The following MAPK8IP3 variants were observed in gnomAD, a reference collection of about 807,000 sequenced individuals.
The protein encoded by MAPK8IP3 is C-Jun-amino-terminal kinase-interacting protein 3.
MAPK8IP3 carries 49 observed loss-of-function variants against 157.8 expected under a neutral mutation model. The observed-to-expected ratio is 0.31, with a 90% confidence interval of 0.25 to 0.39. The LOEUF (loss-of-function observed/expected upper bound fraction) is 0.39. Ranked by LOEUF, MAPK8IP3 falls within the 10% of genes least tolerant of loss-of-function variation. MAPK8IP3 has a pLI of 1.00. For synonymous variants in MAPK8IP3, 897 were observed against 777.7 expected (o/e 1.15, Z -2.55); for missense variants, 1,478 against 1,889.4 (o/e 0.78, Z 4.04).
intron 1 of MAPK8IP3, among the ~76,000 whole-genome samples, chr16:1,721,599 A>G (rs35979144): frequency 0.019 from 2,842 of 152,304 alleles, 35 homozygotes; most frequent in Non-Finnish European, 0.028. Flanking sequence ...CTGGAACTAC[A>G]GGCACATGCC....
intron 25 of MAPK8IP3, 80 bp from the exon 26 acceptor site, chr16:1,767,069 G>A: frequency 6.3e-7 from 1 of 1,586,604 alleles, no homozygotes. Context: ...CCTTAGTCTG[G>A]CAGTGGGTGT....
chr16:1,764,894 G>A (rs1215416888), intron 19 of MAPK8IP3, 119 bp from the exon 20 acceptor site: 5 of 965,334 alleles, frequency 5.2e-6, no homozygotes, highest in African/African-American at 1.6e-5. Context: ...GGACAGCCAT[G>A]TCCCCTCAAG....
rs897034890 is a variant in MAPK8IP3 at position 1,729,187 on chromosome 16, C to G, written c.489C>G (p.Ala163=). The part of the protein sequence containing the change: ...RESEMKKEYN[A]LHQRHTEMIQ... ...CGGAGATGAAGAAGGAGTACAATGC[C>G]CTGCACCAGCGGCACACAGAGGTGG... Residue 163 remains alanine (A), a synonymous_variant, in exon 3 of 32, where the codon GCC becomes GCG. Coordinates refer to ENST00000610761, the MANE Select transcript of MAPK8IP3 (RefSeq NM_001318852.2). 1.2e-6 allele frequency: 2 copies of G among 1,613,864 alleles called. No homozygotes were observed.
At chr16:1,760,165 G>C in intron 11 of MAPK8IP3, 150 bp downstream of exon 11, 1 of 998,138 alleles carries the variant, frequency 1.0e-6, no homozygotes, top group Non-Finnish European at 1.5e-6. Flanking sequence ...CTTGGAGCAG[G>C]ACTCTGCCTG....
chr16:1,766,170 C>A (rs757087368), intron 21 of MAPK8IP3, 28 bp downstream of exon 21: 1 of 1,601,806 alleles, frequency 6.2e-7, no homozygotes, highest in Non-Finnish European at 8.5e-7. Flanking sequence ...TTCCCCCATC[C>A]CCTCATTCCC....
At chr16:1,735,962 G>T (rs2039725735) in intron 4 of MAPK8IP3, among the ~76,000 whole-genome samples, 1 of 144,048 alleles carries the variant, frequency 6.9e-6, no homozygotes, top group South Asian at 2.4e-4. Flanking sequence ...GACCGCCCAT[G>T]TGAGCATCCG....
rs1213173218 is a variant in MAPK8IP3 at position 1,760,013 on chromosome 16, C to A, written c.1302C>A (p.Thr434=). ...TGGAAAACTCACAGCTTCTGGAAAC[C>A]AAGTAAGAGTGCCCTTCTCCTGTGT... ...LLLENSQLLE[T]KNALNVVKND... is the part of the protein sequence containing the mutation. The change falls in exon 11 of 32, where the codon ACC becomes ACA. Residue 434 remains threonine (T), a splice_region_variant and synonymous_variant. Coordinates refer to ENST00000610761, the MANE Select transcript of MAPK8IP3 (RefSeq NM_001318852.2). 2 of 1,614,176 alleles carry A rather than the reference C, an allele frequency of 1.2e-6. No individual in the cohort carries two copies. The highest frequency in any genetic ancestry group is 1.7e-6 in the Non-Finnish European group (2 of 1,180,012).
At chr16:1,737,946 C>G (rs544292948) in intron 4 of MAPK8IP3, among the ~76,000 whole-genome samples, 1 of 62,298 alleles carries the variant, frequency 1.6e-5, no homozygotes, top group African/African-American at 7.1e-5. Context: ...ATCCGTGTGA[C>G]TGTCCGTGTG....
At chr16:1,708,673 T>G (rs2037557819) in intron 1 of MAPK8IP3, among the ~76,000 whole-genome samples, 2 of 152,238 alleles carry the variant, frequency 1.3e-5, no homozygotes, top group Admixed American at 6.5e-5. Context: ...AGCTATCACC[T>G]TTAGTCTGAG....
At chr16:1,763,588 G>T in intron 16 of MAPK8IP3, 69 bp from the exon 17 acceptor site, 1 of 1,415,684 alleles carries the variant, frequency 7.1e-7, no homozygotes, top group South Asian at 1.5e-5. Flanking sequence ...CCTCCCCCAG[G>T]ACAAGCCTGG....
rs978912752 is a variant in MAPK8IP3 at position 1,769,713 on chromosome 16, G to C, written c.*889G>C. 3.3e-5 allele frequency: 5 copies of C among 152,642 alleles called. No individual in the cohort carries two copies. Among genetic ancestry groups the C allele is most frequent in the African/African-American group, 1.2e-4 (5 of 41,444 alleles). 9.5% of individuals were successfully genotyped at this position (152,642 alleles called of 1,614,324 possible). On this transcript the variant is annotated 3_prime_UTR_variant, in exon 32 of 32. Transcript: ENST00000610761. Reference sequence around the variant, plus strand: ...CTCCGGGATCAGTCCTAGGACACAGGCTCAGCCTCAGGTTGATGGGGGATG... The same window carrying C: ...CTCCGGGATCAGTCCTAGGACACAGCCTCAGCCTCAGGTTGATGGGGGATG...
chr16:1,764,439 A>G lies in MAPK8IP3; in HGVS notation c.2260A>G (p.Thr754Ala), dbSNP rs2294619. The G allele has an allele frequency of 0.21, 342,117 of 1,607,070 alleles. 38,961 individuals carry two copies. The highest frequency in any genetic ancestry group is 0.36 in the African/African-American group (26,957 of 74,886). ...EGDGEPKSAH[T>A]SPEKKKAKEL... Reference sequence around the variant, plus strand: ...AGACGGCGAGCCCAAGAGCGCCCACACGTCTCCCGAGAAGAAGAAGGTGAG... The same window carrying G: ...AGACGGCGAGCCCAAGAGCGCCCACGCGTCTCCCGAGAAGAAGAAGGTGAG... The change falls in exon 19 of 32, where the codon ACG becomes GCG. Residue 754 changes from threonine (T) to alanine (A), a missense_variant. Around this residue, in one of 11 missense-constraint regions of MAPK8IP3, gnomAD observed 669 missense variants for 759.8 expected, o/e 0.88. Transcript: ENST00000610761.
chr16:1,736,584 G>A (rs367594562), intron 4 of MAPK8IP3, among the ~76,000 whole-genome samples: 2 of 70,204 alleles, frequency 2.8e-5, no homozygotes, highest in Non-Finnish European at 2.8e-5. Flanking sequence ...CCGTGTGAGC[G>A]TGTGACCATC....
At chr16:1,726,163 C>T (rs948776711) in intron 2 of MAPK8IP3, among the ~76,000 whole-genome samples, 8 of 152,224 alleles carry the variant, frequency 5.3e-5, no homozygotes, top group East Asian at 1.9e-4. Context: ...GACCTGCTGA[C>T]GAGTCTGGGG....
Position 1,766,488 on chromosome 16 carries a change from G to A in MAPK8IP3, c.2820-41G>A, listed in dbSNP as rs756396694. On this transcript the variant is annotated intron_variant, in intron 22 of 31. Coordinates refer to ENST00000610761, the MANE Select transcript of MAPK8IP3 (RefSeq NM_001318852.2). ...GGCCTCGGGGTCTTGGGGCAGGTGC[G>A]TGCTCCGTGGCCCCCCCTGGAGCCA... The A allele has an allele frequency of 3.4e-5, 54 of 1,605,616 alleles. 1 individual carries two copies. Among genetic ancestry groups the A allele is most frequent in the South Asian group, 2.6e-4 (24 of 90,770 alleles).
At position 1,727,082 on chromosome 16, in the gene MAPK8IP3, G is replaced by A. The variant is rs544265875; in HGVS notation, c.440-2056G>A. Among the ~76,000 whole-genome samples, 16 of 151,554 alleles carry A rather than the reference G, an allele frequency of 1.1e-4. No homozygotes were observed. In the East Asian group the frequency reaches 2.1e-3, roughly 20 times the overall value. On this transcript the variant is annotated intron_variant, in intron 2 of 31. Coordinates refer to ENST00000610761, the MANE Select transcript of MAPK8IP3 (RefSeq NM_001318852.2). Reference sequence around the variant, plus strand: ...ATGAGTGTTGTGTGCTGTGTGTGGCGTCTGAGTTGTGTGCCGTGTGGAGCG... The same window carrying A: ...ATGAGTGTTGTGTGCTGTGTGTGGCATCTGAGTTGTGTGCCGTGTGGAGCG...
intron 1 of MAPK8IP3, among the ~76,000 whole-genome samples, chr16:1,713,133 C>A (rs1255705757): frequency 6.6e-6 from 1 of 152,224 alleles, no homozygotes; most frequent in African/African-American, 2.4e-5. Context: ...TCTGACAGAA[C>A]GTTCTGGGAT....
chr16:1,754,640 C>T (rs180986579), intron 8 of MAPK8IP3, among the ~76,000 whole-genome samples: 29 of 151,832 alleles, frequency 1.9e-4, no homozygotes, highest in African/African-American at 5.8e-4. Context: ...GGTGTGGTGG[C>T]GGGCCCTGTA....
intron 12 of MAPK8IP3, 58 bp from the exon 13 acceptor site, chr16:1,761,166 G>A (rs1459756959): frequency 2.2e-6 from 3 of 1,386,660 alleles, no homozygotes; most frequent in Admixed American, 1.7e-5. Context: ...TGCCCGCTAT[G>A]TGTTCCCGAG....
Sources: allele counts gnomAD v4.1 joint callset (sites outside exome capture counted in the v4.1 genomes callset), GRCh38; gene constraint gnomAD v4.1.1; regional missense constraint gnomAD v4.1.1; transcripts MANE v1.5; gene names NCBI Gene and HGNC (gene_info 2026-07-23, HGNC 2026-07-21).